CDC37L1: variants seen among roughly 807,000 people sequenced by gnomAD.
CDC37L1 encodes the protein cell division cycle 37 like 1, HSP90 cochaperone, also known as hsp90 co-chaperone Cdc37-like 1.
A neutral mutation model predicts 45.9 loss-of-function variants in CDC37L1; 32 were observed. The observed-to-expected ratio is 0.70, with a 90% CI of 0.53 to 0.94. The LOEUF is 0.94. CDC37L1 is among the 40% of genes least tolerant of loss of function. CDC37L1 has a pLI of 0.00. For missense variants in CDC37L1, 434 were observed against 405.7 expected (o/e 1.07, Z -0.60); for synonymous variants, 150 against 133.0 (o/e 1.13, Z -0.88).
chr9:4,692,951 T>C (rs1841314870), intron 3 of CDC37L1, among the ~76,000 whole-genome samples: 1 of 152,106 alleles, frequency 6.6e-6, no homozygotes, highest in Non-Finnish European at 1.5e-5. Context: ...AAGTATGGGT[T>C]TGGTTTCAAG....
chr9:4,697,006 A>C (rs1181073612), intron 3 of CDC37L1, 90 bp from the exon 4 acceptor site: 4 of 649,382 alleles, frequency 6.2e-6, no homozygotes, highest in Non-Finnish European at 1.1e-5. Context: ...TACCATTGAG[A>C]GATTAATGAA....
At chr9:4,699,721 T>C (rs916523368) in intron 5 of CDC37L1, among the ~76,000 whole-genome samples, 1 of 152,084 alleles carries the variant, frequency 6.6e-6, no homozygotes, top group African/African-American at 2.4e-5. Flanking sequence ...GGGGGAATGC[T>C]CTTGGGAACT....
At chr9:4,695,607 C>T (rs2130850610) in intron 3 of CDC37L1, among the ~76,000 whole-genome samples, 1 of 152,166 alleles carries the variant, frequency 6.6e-6, no homozygotes, top group South Asian at 2.1e-4. Flanking sequence ...TGATCCTGCC[C>T]CCTCAGACTC....
intron 3 of CDC37L1, among the ~76,000 whole-genome samples, chr9:4,694,140 A>G (rs1402977070): frequency 6.6e-6 from 1 of 152,196 alleles, no homozygotes; most frequent in Non-Finnish European, 1.5e-5. Flanking sequence ...GATTACAGTC[A>G]CAAGATCATA....
intron 3 of CDC37L1, among the ~76,000 whole-genome samples, chr9:4,692,248 A>G (rs1242667123): frequency 6.6e-6 from 1 of 152,066 alleles, no homozygotes; most frequent in Non-Finnish European, 1.5e-5. Flanking sequence ...AGTGAAATGA[A>G]TAGAAAATGT....
At chr9:4,693,731 G>T (rs951666691) in intron 3 of CDC37L1, among the ~76,000 whole-genome samples, 150 of 152,310 alleles carry the variant, frequency 9.8e-4, no homozygotes, top group African/African-American at 3.5e-3. Context: ...CAAAGGATTA[G>T]CTAAATAAAC....
intron 5 of CDC37L1, among the ~76,000 whole-genome samples, chr9:4,701,339 C>T (rs1291471704): frequency 3.9e-5 from 6 of 152,168 alleles, no homozygotes; most frequent in Non-Finnish European, 8.8e-5. Flanking sequence ...AAGATGGTTC[C>T]ATAATGACGT....
intron 1 of CDC37L1, among the ~76,000 whole-genome samples, chr9:4,681,037 G>A (rs1393734767): frequency 6.6e-6 from 1 of 152,116 alleles, no homozygotes; most frequent in African/African-American, 2.4e-5. Flanking sequence ...GAGAGTTGAT[G>A]GGTCCATCAT....
chr9:4,687,650 G>T (rs1182932888), intron 2 of CDC37L1, among the ~76,000 whole-genome samples: 2 of 129,274 alleles, frequency 1.5e-5, no homozygotes, highest in Non-Finnish European at 3.1e-5. Flanking sequence ...CTGTACTCCA[G>T]CCTGGGTGAC....
chr9:4,683,103 A>C (rs12340449), intron 1 of CDC37L1, among the ~76,000 whole-genome samples: 2,206 of 143,786 alleles, frequency 0.015, 36 homozygotes, highest in African/African-American at 0.043. Flanking sequence ...TTTTATTTTT[A>C]TATATAAAAT....
chr9:4,682,770 G>A (rs1035064586), intron 1 of CDC37L1, among the ~76,000 whole-genome samples: 1 of 151,956 alleles, frequency 6.6e-6, no homozygotes, highest in Non-Finnish European at 1.5e-5. Context: ...ACTGAGCCCA[G>A]CCAAAAGAAG....
rs1039126443 is a variant in CDC37L1 at position 4,707,255 on chromosome 9, G to A, written c.*1143G>A. ...TTTCAGTTATGCCAGGATATTTGAT[G>A]ATTTTGTTTATGTAGAATTAGGTAA... On this transcript the variant is annotated 3_prime_UTR_variant, in exon 7 of 7. Transcript: ENST00000381854. The A allele has an allele frequency of 6.6e-6, 1 of 152,106 alleles. No individual in the cohort carries two copies. The highest frequency in any genetic ancestry group is 2.4e-5 in the African/African-American group (1 of 41,428). 9.4% of individuals were successfully genotyped at this position (152,106 alleles called of 1,614,324 possible).
At chr9:4,700,121 A>T (rs1841383494) in intron 5 of CDC37L1, among the ~76,000 whole-genome samples, 1 of 152,168 alleles carries the variant, frequency 6.6e-6, no homozygotes, top group Non-Finnish European at 1.5e-5. Context: ...GCTTGACTTG[A>T]TATTTTAGCT....
At position 4,688,361 on chromosome 9, in the gene CDC37L1, T is replaced by C. The variant is rs527856663; in HGVS notation, c.415-152T>C. 1.0e-3 allele frequency: 406 copies of C among 392,766 alleles called. 1 individual carries two copies. Among genetic ancestry groups the C allele is most frequent in the Non-Finnish European group, 1.5e-3 (344 of 230,656 alleles). The allele number at this position is 392,766 out of a possible 1,614,324, so 24.3% of individuals were successfully genotyped here. On this transcript the variant is annotated intron_variant, in intron 2 of 6. Transcript: ENST00000381854. ...ACAAGAAAATTTTAATTTTTAAAAA[T>C]AGTTTACCAGATGAATTTAATCATG...
chr9:4,683,144 T>C (rs1442997293), intron 1 of CDC37L1, among the ~76,000 whole-genome samples: 1 of 145,318 alleles, frequency 6.9e-6, no homozygotes, highest in Admixed American at 7.1e-5. Flanking sequence ...AATATATGAA[T>C]ATATATTATA....
intron 2 of CDC37L1, among the ~76,000 whole-genome samples, chr9:4,687,678 CAA>C (rs59932144): frequency 1.9e-4 from 11 of 58,406 alleles, no homozygotes; most frequent in African/African-American, 2.6e-4. Flanking sequence ...GACCCCATCT[CAA>C]AAAAAAAAAA....
chr9:4,700,464 T>G (rs1841386748), intron 5 of CDC37L1, among the ~76,000 whole-genome samples: 1 of 152,224 alleles, frequency 6.6e-6, no homozygotes, highest in East Asian at 1.9e-4. Flanking sequence ...AAATTTTTAC[T>G]TGACACTTAA....
In CDC37L1 at chr9:4,679,626, C is replaced by T. The variant is rs1167234074; in HGVS notation, c.-142C>T. 1.4e-6 allele frequency: 1 copy of T among 707,668 alleles called. No individual in the cohort carries two copies. The highest frequency in any genetic ancestry group is 3.1e-5 in the East Asian group (1 of 31,880). The allele number at this position is 707,668 out of a possible 1,614,324, so 43.8% of individuals were successfully genotyped here. A position where few individuals can be genotyped will look rare whatever the true frequency, so the allele number is the denominator to read the frequency against. ...TGTCGCCGGGTGTGCAGCGGCGTCG[C>T]GGCCAGTAGAGGGATTCTGGGTAAC... On this transcript the variant is annotated 5_prime_UTR_variant, in exon 1 of 7. Transcript: ENST00000381854.
At chr9:4,685,774 TAG>T (rs935421095) in intron 2 of CDC37L1, among the ~76,000 whole-genome samples, 2 of 152,214 alleles carry the variant, frequency 1.3e-5, no homozygotes, top group Admixed American at 6.5e-5. Context: ...ATTTGAAAAC[TAG>T]AGTTTTTAGC....
Sources: allele counts gnomAD v4.1 joint callset (sites outside exome capture counted in the v4.1 genomes callset), GRCh38; gene constraint gnomAD v4.1.1; transcripts MANE v1.5; gene names NCBI Gene and HGNC (gene_info 2026-07-23, HGNC 2026-07-21).